The following ATOSA variants were observed in gnomAD, a reference collection of about 807,000 sequenced individuals.
ATOSA encodes the protein atos homolog A, also known as atos homolog protein A.
At chr15:52,595,801 C>T in the ATOSA span, among the ~76,000 whole-genome samples, 2 of 152,126 alleles carry the variant, frequency 1.3e-5, no homozygotes, top group East Asian at 1.9e-4. Flanking sequence ...CTTAGGTATA[C>T]ATCTACAAAA....
the ATOSA span, among the ~76,000 whole-genome samples, chr15:52,701,298 G>T: frequency 3.9e-5 from 6 of 152,058 alleles, no homozygotes; most frequent in Non-Finnish European, 7.4e-5. Context: ...CATTAACCAG[G>T]CATGGTGGTC....
At chr15:52,600,280 C>G in the ATOSA span, 1 of 1,113,948 alleles carries the variant, frequency 9.0e-7, no homozygotes, top group Non-Finnish European at 1.3e-6. Flanking sequence ...AGCCACAATA[C>G]TTTTTTTTTT....
the ATOSA span, among the ~76,000 whole-genome samples, chr15:52,686,101 CCAAA>C: frequency 6.6e-6 from 1 of 152,108 alleles, no homozygotes; most frequent in African/African-American, 2.4e-5. Flanking sequence ...AACTACCTAC[CCAAA>C]CAGTGTGAGC....
At chr15:52,587,759 G>C in the ATOSA span, 1 of 152,302 alleles carries the variant, frequency 6.6e-6, no homozygotes, top group Non-Finnish European at 1.5e-5. Flanking sequence ...TATGGGATAA[G>C]AGATGTTTAA....
the ATOSA span, among the ~76,000 whole-genome samples, chr15:52,649,230 C>T: frequency 6.6e-6 from 1 of 152,048 alleles, no homozygotes; most frequent in Non-Finnish European, 1.5e-5. Flanking sequence ...GCAAATATTT[C>T]TTAGATTCAA....
At chr15:52,584,856 A>T in the ATOSA span, 3 of 1,613,598 alleles carry the variant, frequency 1.9e-6, no homozygotes, top group Non-Finnish European at 2.5e-6. Flanking sequence ...TCTTTGTCGT[A>T]GGAATGTCTG....
the ATOSA span, among the ~76,000 whole-genome samples, chr15:52,653,702 G>A: frequency 1.3e-5 from 2 of 152,206 alleles, no homozygotes; most frequent in East Asian, 3.9e-4. Context: ...CTAGTCACAG[G>A]CCCACTGTAC....
the ATOSA span, among the ~76,000 whole-genome samples, chr15:52,599,647 A>C: frequency 2.9e-3 from 449 of 152,320 alleles, 2 homozygotes; most frequent in African/African-American, 0.01. Context: ...GTGAGTAAAC[A>C]TATCAGAAAT....
chr15:52,583,071 T>C, the ATOSA span, among the ~76,000 whole-genome samples: 1 of 152,252 alleles, frequency 6.6e-6, no homozygotes, highest in African/African-American at 2.4e-5. Flanking sequence ...TACAGCTCTG[T>C]ATGTTAAAAC....
At chr15:52,662,899 TA>T in the ATOSA span, among the ~76,000 whole-genome samples, 1 of 150,404 alleles carries the variant, frequency 6.6e-6, no homozygotes, top group Admixed American at 6.6e-5. Context: ...AAGGGAAAAA[TA>T]AATGGAGAAG....
the ATOSA span, among the ~76,000 whole-genome samples, chr15:52,702,125 G>A: frequency 6.6e-6 from 1 of 152,120 alleles, no homozygotes; most frequent in East Asian, 1.9e-4. Flanking sequence ...AACAGATGCT[G>A]GCAAGGCTGC....
chr15:52,632,610 A>T, the ATOSA span, among the ~76,000 whole-genome samples: 23 of 152,306 alleles, frequency 1.5e-4, no homozygotes, highest in East Asian at 3.7e-3. Flanking sequence ...CTATGATAGG[A>T]ATTATTAATT....
the ATOSA span, among the ~76,000 whole-genome samples, chr15:52,666,409 T>TA: frequency 6.6e-6 from 1 of 152,206 alleles, no homozygotes; most frequent in Non-Finnish European, 1.5e-5. Context: ...TAAGTAAACA[T>TA]AAATGCTTAG....
chr15:52,646,551 A>G, the ATOSA span, among the ~76,000 whole-genome samples: 7 of 152,126 alleles, frequency 4.6e-5, no homozygotes, highest in Admixed American at 1.3e-4. Flanking sequence ...CCACAAAGGG[A>G]TACTGGGTAC....
the ATOSA span, among the ~76,000 whole-genome samples, chr15:52,665,224 G>C: frequency 8.1e-4 from 123 of 152,268 alleles, no homozygotes; most frequent in African/African-American, 2.8e-3. Context: ...ATACGCTGAT[G>C]TAATGAATCT....
the ATOSA span, among the ~76,000 whole-genome samples, chr15:52,618,810 A>G: frequency 6.6e-6 from 1 of 152,090 alleles, no homozygotes; most frequent in Admixed American, 6.6e-5. Context: ...TTGGCCTCCC[A>G]GAGTGCTGGG....
the ATOSA span, among the ~76,000 whole-genome samples, chr15:52,666,616 G>A: frequency 6.6e-6 from 1 of 152,090 alleles, no homozygotes. Context: ...AATGCATAAC[G>A]TTGTCAAGTA....
the ATOSA span, among the ~76,000 whole-genome samples, chr15:52,654,874 C>A: frequency 4.6e-5 from 7 of 151,916 alleles, no homozygotes; most frequent in Non-Finnish European, 1.0e-4. Flanking sequence ...AAAAAAAGAA[C>A]CCCTCAAAGG....
At chr15:52,601,200 A>C in the ATOSA span, 1 of 1,360,454 alleles carries the variant, frequency 7.4e-7, no homozygotes, top group East Asian at 2.5e-5. Context: ...ATATTAAAAA[A>C]AAAACTGTTA....
Sources: allele counts gnomAD v4.1 joint callset (sites outside exome capture counted in the v4.1 genomes callset), GRCh38; gene constraint gnomAD v4.1.1; transcripts MANE v1.5; gene names NCBI Gene and HGNC (gene_info 2026-07-23, HGNC 2026-07-21).